Variants in CDH12 observed in about 807,000 individuals in gnomAD.
The protein encoded by CDH12 is cadherin 12.
A neutral mutation model predicts 74.1 loss-of-function variants in CDH12; 41 were observed. The observed-to-expected ratio is 0.55, with a 90% confidence interval of 0.43 to 0.72. CDH12 has a LOEUF of 0.72. Among genes scored for constraint, CDH12 ranks in the 30% least tolerant of loss-of-function variants. CDH12 has a pLI of 0.00. For synonymous variants in CDH12, 399 were observed against 355.0 expected (o/e 1.12, Z -1.39); for missense variants, 945 against 977.2 (o/e 0.97, Z 0.44).
intron 5 of CDH12, among the ~76,000 whole-genome samples, chr5:22,004,848 T>C (rs1736843525): frequency 1.3e-5 from 2 of 152,170 alleles, no homozygotes; most frequent in Non-Finnish European, 2.9e-5. Flanking sequence ...TTTTCCTCTT[T>C]ATGTCCATGT....
intron 1 of CDH12, among the ~76,000 whole-genome samples, chr5:22,834,088 T>C (rs1372841274): frequency 2.6e-5 from 4 of 152,182 alleles, no homozygotes; most frequent in Admixed American, 6.5e-5. Context: ...CAAAGTGTTT[T>C]TGTTGTGTCT....
At chr5:22,599,776 T>C (rs928537832) in intron 1 of CDH12, among the ~76,000 whole-genome samples, 3 of 152,172 alleles carry the variant, frequency 2.0e-5, no homozygotes, top group African/African-American at 7.2e-5. Flanking sequence ...TTGAAAGATG[T>C]GTATAATTTC....
chr5:22,752,815 C>A (rs1745663797), intron 1 of CDH12, among the ~76,000 whole-genome samples: 1 of 151,500 alleles, frequency 6.6e-6, no homozygotes, highest in Non-Finnish European at 1.5e-5. Context: ...ACCTCGTGAT[C>A]CGCCCGCCTC....
chr5:22,297,430 A>C (rs1737679825), intron 3 of CDH12, among the ~76,000 whole-genome samples: 1 of 152,176 alleles, frequency 6.6e-6, no homozygotes, highest in African/African-American at 2.4e-5. Context: ...GTTGCTTTAA[A>C]TTATGCAAAG....
intron 4 of CDH12, among the ~76,000 whole-genome samples, chr5:22,087,574 A>C (rs1644980315): frequency 6.6e-6 from 1 of 152,044 alleles, no homozygotes; most frequent in Non-Finnish European, 1.5e-5. Context: ...CCAGAAAGCA[A>C]AGGTTGCAGT....
intron 6 of CDH12, among the ~76,000 whole-genome samples, chr5:21,973,053 A>G (rs1580051267): frequency 1.3e-5 from 2 of 150,214 alleles, no homozygotes; most frequent in Non-Finnish European, 3.0e-5. Context: ...AAAGTAAAAA[A>G]AAAAAAAAAA....
intron 1 of CDH12, among the ~76,000 whole-genome samples, chr5:22,532,697 T>A: frequency 6.6e-6 from 1 of 151,912 alleles, no homozygotes; most frequent in East Asian, 1.9e-4. Flanking sequence ...GTCTCAGATG[T>A]GAATTTATAT....
chr5:22,359,722 C>A (rs1473869880), intron 3 of CDH12, among the ~76,000 whole-genome samples: 3 of 152,226 alleles, frequency 2.0e-5, no homozygotes, highest in South Asian at 2.1e-4. Flanking sequence ...GAAATTATAA[C>A]AAACTGTCTC....
intron 1 of CDH12, among the ~76,000 whole-genome samples, chr5:22,598,507 T>G (rs539193927): frequency 2.6e-5 from 4 of 152,282 alleles, no homozygotes; most frequent in African/African-American, 9.6e-5. Flanking sequence ...TCCCCAGACA[T>G]CTGGATCTGT....
chr5:22,640,992 C>T (rs1214912168), intron 1 of CDH12, among the ~76,000 whole-genome samples: 6 of 152,166 alleles, frequency 3.9e-5, no homozygotes, highest in Non-Finnish European at 2.9e-5. Flanking sequence ...CTGCCAACTT[C>T]CCCCACTTCA....
intron 4 of CDH12, among the ~76,000 whole-genome samples, chr5:22,177,449 A>T (rs1749403269): frequency 6.6e-6 from 1 of 152,180 alleles, no homozygotes; most frequent in Non-Finnish European, 1.5e-5. Context: ...TGTTTAAATT[A>T]TGTAGCACAA....
At chr5:21,867,232 G>A (rs1751376842) in intron 6 of CDH12, among the ~76,000 whole-genome samples, 1 of 152,164 alleles carries the variant, frequency 6.6e-6, no homozygotes, top group Admixed American at 6.5e-5. Context: ...GTGTGTGCCT[G>A]TAATCCCAGC....
At chr5:22,191,913 G>A (rs1750332008) in intron 4 of CDH12, among the ~76,000 whole-genome samples, 1 of 145,866 alleles carries the variant, frequency 6.9e-6, no homozygotes, top group African/African-American at 2.5e-5. Flanking sequence ...GTTCATGTAT[G>A]CCAAAATTAA....
intron 1 of CDH12, among the ~76,000 whole-genome samples, chr5:22,634,724 A>C (rs891122447): frequency 5.3e-5 from 8 of 152,316 alleles, no homozygotes; most frequent in Admixed American, 5.2e-4. Flanking sequence ...ATAATCTGAA[A>C]ATGTAATTAA....
intron 1 of CDH12, among the ~76,000 whole-genome samples, chr5:22,619,235 C>T (rs772917223): frequency 6.6e-6 from 1 of 151,938 alleles, no homozygotes; most frequent in South Asian, 2.1e-4. Context: ...GAACAAAGGT[C>T]GTGTATTTTA....
chr5:22,158,396 G>A (rs1396901434), intron 4 of CDH12, among the ~76,000 whole-genome samples: 2 of 152,038 alleles, frequency 1.3e-5, no homozygotes, highest in Non-Finnish European at 2.9e-5. Flanking sequence ...TCACAAGTCA[G>A]TTGTCTTGTT....
In CDH12 at chr5:22,641,669, A is replaced by G. The variant is rs138292357; in HGVS notation, c.-522-136305T>C. 5.0e-3 allele frequency among the ~76,000 whole-genome samples: 762 copies of G among 152,190 alleles called. 2 individuals carry two copies. The highest frequency in any genetic ancestry group is 7.1e-3 in the Non-Finnish European group (482 of 68,004). On this transcript the variant is annotated intron_variant, in intron 1 of 14. Coordinates refer to ENST00000382254, the MANE Select transcript of CDH12 (RefSeq NM_004061.5). ...TTGCCTTAGGCCCTTTGCACTAACCAAGGCTTCTGCTAGGGTGCTCTGCTC... is the reference window on the plus strand; with the variant it reads ...TTGCCTTAGGCCCTTTGCACTAACCGAGGCTTCTGCTAGGGTGCTCTGCTC...
chr5:22,257,648 T>C (rs1010357357), intron 3 of CDH12, among the ~76,000 whole-genome samples: 1 of 152,000 alleles, frequency 6.6e-6, no homozygotes, highest in Non-Finnish European at 1.5e-5. Context: ...TACAGGCCAC[T>C]GTCACCATGC....
At chr5:22,505,989 T>C (rs913908344) in intron 1 of CDH12, among the ~76,000 whole-genome samples, 7 of 152,106 alleles carry the variant, frequency 4.6e-5, no homozygotes, top group Non-Finnish European at 1.5e-5. Context: ...GGAGTACTTA[T>C]TACTGTTGAG....
Sources: gnomAD v4.1 joint callset for allele counts (sites outside exome capture counted in the v4.1 genomes callset) on GRCh38, gnomAD v4.1.1 for gene constraint, MANE v1.5 for transcripts, NCBI Gene and HGNC (gene_info 2026-07-23, HGNC 2026-07-21) for gene names.